The following TEX9 variants were observed in gnomAD, a reference collection of about 807,000 sequenced individuals.
The protein encoded by TEX9 is testis-expressed protein 9.
A neutral mutation model predicts 59.6 loss-of-function variants in TEX9; 74 were observed. The ratio of observed to expected loss-of-function variants is 1.24; its 90% CI spans 1.03 to 1.51. The LOEUF (loss-of-function observed/expected upper bound fraction) is 1.51, where lower values mean the gene tolerates loss of function less well. Among genes scored for constraint, TEX9 ranks in the 40% most tolerant of loss-of-function variants. The probability of loss-of-function intolerance (pLI) is 0.00; values close to 1 mark genes in which losing one functional copy is unlikely to be tolerated. For synonymous variants in TEX9, 186 were observed against 152.2 expected, an observed-to-expected ratio of 1.22 and a Z score of -1.64; for missense variants, 522 against 447.8, an observed-to-expected ratio of 1.17 and a Z score of -1.49.
chr15:56,353,102 C>T (rs2046616499), intron 1 of TEX9, among the ~76,000 whole-genome samples: 1 of 152,128 alleles, frequency 6.6e-6, no homozygotes, highest in Non-Finnish European at 1.5e-5. Flanking sequence ...ATCAGAAGTA[C>T]CCCTTAAGTA....
intron 1 of TEX9, among the ~76,000 whole-genome samples, chr15:56,264,030 A>G (rs529486398): frequency 6.6e-6 from 1 of 152,302 alleles, no homozygotes; most frequent in Admixed American, 6.5e-5. Flanking sequence ...GTGACTTTGG[A>G]AAAAGTTGCT....
chr15:56,249,769 G>C (rs78939810), intron 1 of TEX9, among the ~76,000 whole-genome samples: 7 of 109,376 alleles, frequency 6.4e-5, no homozygotes, highest in Non-Finnish European at 1.4e-4. Flanking sequence ...AAAAAAAAAA[G>C]AGGAAAGAAG....
chr15:56,355,913 G>C (rs949157484), intron 1 of TEX9, among the ~76,000 whole-genome samples: 1 of 151,898 alleles, frequency 6.6e-6, no homozygotes, highest in Admixed American at 6.6e-5. Flanking sequence ...AAATTTTATA[G>C]TATATAAAAC....
At position 56,277,009 on chromosome 15, in the gene TEX9, GTTGT is replaced by G. The variant is rs1451815938; in HGVS notation, c.-107+32738_-107+32741del. On this transcript the variant is annotated intron_variant, in intron 1 of 5. Coordinates refer to the TEX9 transcript ENST00000560827. ...TATCCTTCGCCCAGTTTTTGATGGG[GTTGT>G]TTGTTTTTTTTTTCTTGTAAATTTG... Among the ~76,000 whole-genome samples the G allele has an allele frequency of 2.5e-5, 3 of 122,096 alleles. No homozygotes were observed. In the Admixed American group the frequency reaches 2.5e-4, roughly 10 times the overall value. The allele number at this position is 122,096 out of a possible 152,430, so 80.1% of individuals were successfully genotyped here.
At chr15:56,420,001 T>TA (rs34267504) in intron 10 of TEX9, among the ~76,000 whole-genome samples, 6,715 of 151,870 alleles carry the variant, frequency 0.044, 238 homozygotes, top group Admixed American at 0.088. Flanking sequence ...TTTGGGTGCT[T>TA]ACATCTGTCA....
At chr15:56,270,665 G>C (rs1205769345) in intron 1 of TEX9, among the ~76,000 whole-genome samples, 1 of 152,154 alleles carries the variant, frequency 6.6e-6, no homozygotes. Context: ...GTGTGAATTT[G>C]ATCCTGTTAT....
chr15:56,249,742 CAAAAAAAAAAAAAA>C (rs11440856), intron 1 of TEX9, among the ~76,000 whole-genome samples: 97 of 25,476 alleles, frequency 3.8e-3, no homozygotes, highest in African/African-American at 0.013. Flanking sequence ...GGATCTGTCT[CAAAAAAAAAAAAAA>C]AAAAAAAAAA....
intron 1 of TEX9, chr15:56,323,787 G>C (rs1567085903): frequency 4.9e-6 from 1 of 203,724 alleles, no homozygotes; most frequent in Non-Finnish European, 1.0e-5. Flanking sequence ...GGGGGAGGGG[G>C]AAGAGGAAGA....
At chr15:56,268,170 A>T (rs2044434876) in intron 1 of TEX9, among the ~76,000 whole-genome samples, 1 of 152,194 alleles carries the variant, frequency 6.6e-6, no homozygotes, top group South Asian at 2.1e-4. Flanking sequence ...TTGCACAATG[A>T]TTTTGTATCC....
chr15:56,257,195 G>A (rs1419630136), intron 1 of TEX9, among the ~76,000 whole-genome samples: 4 of 152,016 alleles, frequency 2.6e-5, no homozygotes, highest in African/African-American at 7.2e-5. Flanking sequence ...TCATTGATGG[G>A]CATCTAGTTG....
At chr15:56,291,237 G>A (rs1288083414) in intron 1 of TEX9, among the ~76,000 whole-genome samples, 1 of 152,158 alleles carries the variant, frequency 6.6e-6, no homozygotes, top group Non-Finnish European at 1.5e-5. Flanking sequence ...GCAAGTCTGA[G>A]TAGGAGAAAA....
chr15:56,423,518 A>G (rs2050087601), intron 10 of TEX9, among the ~76,000 whole-genome samples: 1 of 152,122 alleles, frequency 6.6e-6, no homozygotes, highest in African/African-American at 2.4e-5. Flanking sequence ...TTTCGTTAAC[A>G]TCTTATTGAG....
intron 1 of TEX9, among the ~76,000 whole-genome samples, chr15:56,310,294 T>G (rs2045580146): frequency 2.0e-5 from 3 of 152,046 alleles, no homozygotes; most frequent in Admixed American, 1.3e-4. Flanking sequence ...TAGCCAGGTG[T>G]GGTGGTGCAT....
At chr15:56,316,752 G>A (rs1279754250) in intron 1 of TEX9, among the ~76,000 whole-genome samples, 3 of 152,196 alleles carry the variant, frequency 2.0e-5, no homozygotes, top group South Asian at 2.1e-4. Context: ...CCCCAGCCTC[G>A]CTGTCGCCTT....
chr15:56,254,808 A>G (rs1209136626), intron 1 of TEX9, among the ~76,000 whole-genome samples: 2 of 151,058 alleles, frequency 1.3e-5, no homozygotes. Flanking sequence ...TAAATATCAC[A>G]AATATAACAA....
intron 1 of TEX9, among the ~76,000 whole-genome samples, chr15:56,277,016 GTT>G (rs139302311): frequency 1.7e-4 from 26 of 149,856 alleles, no homozygotes; most frequent in African/African-American, 6.4e-4. Context: ...GGGGTTGTTT[GTT>G]TTTTTTTTCT....
the TEX9 span, among the ~76,000 whole-genome samples, chr15:56,453,360 T>C: frequency 1.1e-4 from 16 of 152,194 alleles, no homozygotes; most frequent in Non-Finnish European, 2.4e-4. Flanking sequence ...TGCAGGATTA[T>C]TGGTGATCAA....
intron 1 of TEX9, among the ~76,000 whole-genome samples, chr15:56,318,499 A>G (rs1452251669): frequency 1.3e-5 from 2 of 152,010 alleles, no homozygotes; most frequent in African/African-American, 4.8e-5. Context: ...ACTAAATTTG[A>G]TTAGTGTTTA....
chr15:56,450,565 T>C (rs1946331124), downstream of TEX9, among the ~76,000 whole-genome samples: 1 of 152,200 alleles, frequency 6.6e-6, no homozygotes, highest in Admixed American at 6.5e-5. Context: ...TTCACTAATA[T>C]TTTAGCATGT....
Sources: allele counts gnomAD v4.1 joint callset (sites outside exome capture counted in the v4.1 genomes callset), GRCh38; gene constraint gnomAD v4.1.1; transcripts MANE v1.5; gene names NCBI Gene and HGNC (gene_info 2026-07-23, HGNC 2026-07-21).